CNTN1: variants seen among roughly 807,000 people sequenced by gnomAD.
CNTN1 encodes the protein contactin 1.
A neutral mutation model predicts 126.4 loss-of-function variants in CNTN1; 38 were observed. The ratio of observed to expected loss-of-function variants is 0.30; its 90% confidence interval spans 0.23 to 0.39. The LOEUF (loss-of-function observed/expected upper bound fraction) is 0.39, where lower values mean the gene tolerates loss of function less well. CNTN1 is among the 10% of genes least tolerant of loss of function. The probability of loss-of-function intolerance (pLI) is 1.00; values close to 1 mark genes in which losing one functional copy is unlikely to be tolerated. For synonymous variants in CNTN1, 413 were observed against 422.6 expected (o/e 0.98, Z 0.28); for missense variants, 1,009 against 1,248.4 (o/e 0.81, Z 2.89).
At chr12:40,927,031 C>T (rs928586625) in intron 6 of CNTN1, among the ~76,000 whole-genome samples, 3 of 151,878 alleles carry the variant, frequency 2.0e-5, no homozygotes, top group Admixed American at 6.6e-5. Flanking sequence ...GTGTAGATGT[C>T]GGGGGTGATG....
At position 40,703,720 on chromosome 12, in the gene CNTN1, T is replaced by C. The variant is rs185063409; in HGVS notation, c.-77+11128T>C. Among the ~76,000 whole-genome samples the C allele has an allele frequency of 1.8e-3, 269 of 152,330 alleles. 1 individual carries two copies. The highest frequency in any genetic ancestry group is 9.7e-3 in the South Asian group (47 of 4,824). On this transcript the variant is annotated intron_variant, in intron 1 of 23. Coordinates refer to ENST00000551295, the MANE Select transcript of CNTN1 (RefSeq NM_001843.4). ...CCTATGAATAATCTACAAAGTAGTC[T>C]CTTCTGCTAGTTAGAAATGGAAAGA...
intron 14 of CNTN1, among the ~76,000 whole-genome samples, chr12:40,947,755 T>A (rs1396540209): frequency 1.4e-5 from 2 of 140,276 alleles, no homozygotes; most frequent in Admixed American, 1.5e-4. Flanking sequence ...TTGGAGATTG[T>A]CACTATTTCA....
intron 1 of CNTN1, among the ~76,000 whole-genome samples, chr12:40,731,969 T>G (rs1340128947): frequency 6.6e-6 from 1 of 152,050 alleles, no homozygotes; most frequent in African/African-American, 2.4e-5. Flanking sequence ...TATGAACTCT[T>G]GGGGAACAGG....
intron 1 of CNTN1, among the ~76,000 whole-genome samples, chr12:40,733,488 C>T (rs1434321981): frequency 6.6e-6 from 1 of 151,642 alleles, no homozygotes; most frequent in Non-Finnish European, 1.5e-5. Context: ...GTCTTCCTGC[C>T]CTCCCCCTTC....
At chr12:40,824,145 A>G (rs557687272) in intron 1 of CNTN1, among the ~76,000 whole-genome samples, 24 of 152,130 alleles carry the variant, frequency 1.6e-4, no homozygotes, top group Non-Finnish European at 3.1e-4. Context: ...AACAGCGTTG[A>G]AATTGTCCTA....
chr12:40,918,712 A>C lies in CNTN1; in HGVS notation c.168A>C (p.Ser56=), dbSNP rs1426241282. ...TCAATACCATTTATCCAGAGGAATC[A>C]CTGGAAGGAAAAGTCTCACTCAACT... ...QPINTIYPEE[S]LEGKVSLNCR... The change falls in exon 4 of 24, where the codon TCA becomes TCC. Residue 56 remains serine, a synonymous_variant. Coordinates refer to ENST00000551295, the MANE Select transcript of CNTN1 (RefSeq NM_001843.4). 3.1e-6 allele frequency: 5 copies of C among 1,612,840 alleles called. No individual in the cohort carries two copies. Among genetic ancestry groups the C allele is most frequent in the Non-Finnish European group, 3.4e-6 (4 of 1,178,934 alleles).
chr12:40,817,649 C>G (rs1057478881), intron 1 of CNTN1, among the ~76,000 whole-genome samples: 3 of 151,726 alleles, frequency 2.0e-5, no homozygotes, highest in African/African-American at 7.3e-5. Context: ...TTAATTGAGG[C>G]ATTTAGCCCA....
Position 40,885,286 on chromosome 12 carries a change from A to G in CNTN1, c.-76-23071A>G, listed in dbSNP as rs146849704. On this transcript the variant is annotated intron_variant, in intron 1 of 23. Transcript: ENST00000551295. ...TGAAGGTTTTTGTGAGGGGTGAGATAATACATGTAAGGTGTCTGGCACACA... is the reference window on the plus strand; with the variant it reads ...TGAAGGTTTTTGTGAGGGGTGAGATGATACATGTAAGGTGTCTGGCACACA... 6.1e-3 allele frequency among the ~76,000 whole-genome samples: 924 copies of G among 152,058 alleles called. 23 individuals carry two copies. Among genetic ancestry groups the G allele is most frequent in the Admixed American group, 0.013 (199 of 15,248 alleles).
chr12:41,012,536 G>C (rs1262171867), intron 17 of CNTN1, among the ~76,000 whole-genome samples: 1 of 152,112 alleles, frequency 6.6e-6, no homozygotes, highest in African/African-American at 2.4e-5. Context: ...TAACACCAGG[G>C]ATAGCCCCAG....
At chr12:40,943,098 T>G (rs188418152) in intron 12 of CNTN1, among the ~76,000 whole-genome samples, 20 of 152,268 alleles carry the variant, frequency 1.3e-4, no homozygotes, top group African/African-American at 4.6e-4. Flanking sequence ...ATGTGTAGTA[T>G]GAAAGACTTA....
chr12:40,967,354 C>T (rs1415579890), intron 15 of CNTN1, among the ~76,000 whole-genome samples: 3 of 151,808 alleles, frequency 2.0e-5, no homozygotes, highest in Admixed American at 2.0e-4. Flanking sequence ...GTGGCACATG[C>T]CTGTAGTCCC....
intron 1 of CNTN1, among the ~76,000 whole-genome samples, chr12:40,831,646 G>A (rs1592135946): frequency 6.6e-6 from 1 of 152,070 alleles, no homozygotes; most frequent in Non-Finnish European, 1.5e-5. Flanking sequence ...CTTTATGGAT[G>A]CTTCACCAAT....
intron 3 of CNTN1, among the ~76,000 whole-genome samples, chr12:40,913,243 A>C (rs1313995257): frequency 6.6e-6 from 1 of 152,212 alleles, no homozygotes; most frequent in Admixed American, 6.5e-5. Flanking sequence ...ATGACCCTAA[A>C]AAACTGGGGC....
rs982055608 is a variant in CNTN1 at position 41,001,467 on chromosome 12, T to G, written c.2113+8198T>G. 6.6e-4 allele frequency among the ~76,000 whole-genome samples: 100 copies of G among 152,326 alleles called. 1 individual carries two copies. Among genetic ancestry groups the G allele is most frequent in the African/African-American group, 2.3e-3 (95 of 41,576 alleles). ...ATGGGGTTGTTTTTTCTTGTAAATT[T>G]AAATTCTTTATAGCTGCTGGATATT... On this transcript the variant is annotated intron_variant, in intron 17 of 23. Coordinates refer to ENST00000551295, the MANE Select transcript of CNTN1 (RefSeq NM_001843.4).
chr12:40,758,935 A>G lies in CNTN1; in HGVS notation c.-77+66343A>G, dbSNP rs543500389. Among the ~76,000 whole-genome samples, 3 of 151,438 alleles carry G rather than the reference A, an allele frequency of 2.0e-5. No individual in the cohort carries two copies. The South Asian group carries it at 6.3e-4, about 32-fold the overall frequency. ...TTGTTTGTTTTTGAGATGGAGTTTCACTCTTGTTGCCCAGGCTGGAGTGCA... is the reference window on the plus strand; with the variant it reads ...TTGTTTGTTTTTGAGATGGAGTTTCGCTCTTGTTGCCCAGGCTGGAGTGCA... On this transcript the variant is annotated intron_variant, in intron 1 of 23. Transcript: ENST00000551295.
rs146088900 is a variant in CNTN1, at chr12:40,929,911, C to G, written c.612C>G (p.Ser204=). The G allele has an allele frequency of 5.0e-6, 8 of 1,612,764 alleles. No individual in the cohort carries two copies. Among genetic ancestry groups the G allele is most frequent in the African/African-American group, 2.7e-5 (2 of 74,824 alleles). ...TCTACATTGCAAATGTTGAGGCTTC[C>G]GACAAAGGCAATTATTCCTGCTTTG... ...GNLYIANVEA[S]DKGNYSCFVS... Residue 204 remains serine (S), a synonymous_variant, in exon 7 of 24, where the codon TCC becomes TCG. Transcript: ENST00000551295.
chr12:40,764,935 A>T (rs1010152117), intron 1 of CNTN1, among the ~76,000 whole-genome samples: 4 of 152,126 alleles, frequency 2.6e-5, no homozygotes, highest in Non-Finnish European at 4.4e-5. Context: ...TTAAATTTCC[A>T]TTGAGATTAG....
At chr12:40,949,847 G>A (rs1339885712) in intron 14 of CNTN1, among the ~76,000 whole-genome samples, 1 of 151,824 alleles carries the variant, frequency 6.6e-6, no homozygotes, top group Non-Finnish European at 1.5e-5. Context: ...AAGCACTGGG[G>A]TTACAGGCAT....
intron 23 of CNTN1, among the ~76,000 whole-genome samples, chr12:41,029,477 A>G (rs1281017583): frequency 6.6e-6 from 1 of 152,182 alleles, no homozygotes; most frequent in African/African-American, 2.4e-5. Flanking sequence ...AAGACGAACG[A>G]GTTTTTGGGA....
Sources: gnomAD v4.1 joint callset for allele counts (sites outside exome capture counted in the v4.1 genomes callset) on GRCh38, gnomAD v4.1.1 for gene constraint, MANE v1.5 for transcripts, NCBI Gene and HGNC (gene_info 2026-07-23, HGNC 2026-07-21) for gene names.